The following C12orf50 variants were observed in gnomAD, a reference collection of about 807,000 sequenced individuals.
C12orf50 encodes zinc finger CCCH-type containing 11D.
C12orf50 carries 35 observed loss-of-function variants against 61.6 expected under a neutral mutation model. That is an observed-to-expected ratio of 0.57 (90% confidence interval 0.43 to 0.75). The LOEUF is 0.75. Among genes scored for constraint, C12orf50 ranks in the 30% least tolerant of loss-of-function variants. The pLI, the probability that C12orf50 is intolerant of heterozygous loss-of-function variation, is 0.00. For missense variants in C12orf50, 475 were observed against 488.5 expected, an observed-to-expected ratio of 0.97 and a Z score of 0.26; for synonymous variants, 178 against 161.5, an observed-to-expected ratio of 1.10 and a Z score of -0.77.
chr12:87,993,402 T>A (rs1353968675), intron 7 of C12orf50, among the ~76,000 whole-genome samples: 1 of 152,220 alleles, frequency 6.6e-6, no homozygotes, highest in East Asian at 1.9e-4. Flanking sequence ...CAGTGGGAAC[T>A]CCGTTAGGAG....
intron 3 of C12orf50, among the ~76,000 whole-genome samples, chr12:88,008,852 G>A (rs1038880288): frequency 2.0e-5 from 3 of 152,050 alleles, no homozygotes; most frequent in African/African-American, 7.2e-5. Context: ...TACCAAGTAT[G>A]CATCCCTAAA....
chr12:88,021,850 A>G (rs553760695), intron 3 of C12orf50, among the ~76,000 whole-genome samples: 5 of 152,230 alleles, frequency 3.3e-5, no homozygotes, highest in African/African-American at 7.2e-5. Context: ...TAAGTAAGAA[A>G]AAGCCTACCA....
At chr12:88,013,827 G>A (rs2032204342) in intron 3 of C12orf50, among the ~76,000 whole-genome samples, 1 of 152,160 alleles carries the variant, frequency 6.6e-6, no homozygotes, top group South Asian at 2.1e-4. Flanking sequence ...GGTGGTTTAG[G>A]TGGTGGCTGA....
chr12:88,024,648 G>A (rs1251597362), intron 3 of C12orf50, among the ~76,000 whole-genome samples: 1 of 152,038 alleles, frequency 6.6e-6, no homozygotes, highest in Non-Finnish European at 1.5e-5. Flanking sequence ...GAGAGGATCA[G>A]AAAAAATATC....
intron 7 of C12orf50, among the ~76,000 whole-genome samples, chr12:87,992,050 G>T (rs1565743020): frequency 1.3e-5 from 2 of 152,194 alleles, no homozygotes; most frequent in African/African-American, 2.4e-5. Context: ...GCTGGAGACA[G>T]GAGAGGGCAG....
intron 11 of C12orf50, chr12:87,984,358 G>GGTAA (rs769215293): frequency 2.0e-5 from 3 of 152,006 alleles, no homozygotes; most frequent in Non-Finnish European, 4.4e-5. Context: ...TTCAAATAAG[G>GGTAA]GTAAGCTACA....
At chr12:87,995,259 A>G (rs1178831387) in intron 6 of C12orf50, among the ~76,000 whole-genome samples, 1 of 152,056 alleles carries the variant, frequency 6.6e-6, no homozygotes, top group Non-Finnish European at 1.5e-5. Flanking sequence ...GTGATTCTGG[A>G]TTGGATCCTA....
At chr12:88,025,574 T>C (rs1469902232) in intron 3 of C12orf50, among the ~76,000 whole-genome samples, 2 of 152,122 alleles carry the variant, frequency 1.3e-5, no homozygotes, top group Non-Finnish European at 2.9e-5. Context: ...TGTATATTTT[T>C]CTGCAAATAC....
chr12:88,008,050 A>G (rs930270624), intron 3 of C12orf50, among the ~76,000 whole-genome samples: 5 of 151,798 alleles, frequency 3.3e-5, no homozygotes, highest in African/African-American at 1.2e-4. Flanking sequence ...AAAGTTAAAC[A>G]GCAATAGCTT....
At chr12:88,020,302 A>T (rs2032467210) in intron 3 of C12orf50, among the ~76,000 whole-genome samples, 1 of 152,184 alleles carries the variant, frequency 6.6e-6, no homozygotes, top group Non-Finnish European at 1.5e-5. Context: ...CCCATTGCAC[A>T]TATTATACAA....
intron 9 of C12orf50, 114 bp from the exon 10 acceptor site, chr12:87,986,530 A>C: frequency 1.5e-6 from 1 of 663,712 alleles, no homozygotes; most frequent in Non-Finnish European, 2.4e-6. Flanking sequence ...GGAAAAAATA[A>C]ATGCACCATC....
At chr12:88,024,140 G>C (rs2032618777) in intron 3 of C12orf50, among the ~76,000 whole-genome samples, 1 of 152,152 alleles carries the variant, frequency 6.6e-6, no homozygotes, top group Non-Finnish European at 1.5e-5. Context: ...AGATGCTGAT[G>C]AGGTTACAGA....
At chr12:87,999,440 A>G (rs2031559153) in intron 3 of C12orf50, among the ~76,000 whole-genome samples, 1 of 152,130 alleles carries the variant, frequency 6.6e-6, no homozygotes, top group Non-Finnish European at 1.5e-5. Context: ...AAAAACAAAA[A>G]CAAACAAAAC....
chr12:87,998,923 G>A (rs1321107928), intron 3 of C12orf50, among the ~76,000 whole-genome samples: 2 of 152,150 alleles, frequency 1.3e-5, no homozygotes, highest in Non-Finnish European at 2.9e-5. Flanking sequence ...AAGTAATTAA[G>A]TTGCACAACT....
At chr12:88,002,333 T>C (rs1310418731) in intron 3 of C12orf50, among the ~76,000 whole-genome samples, 9 of 151,804 alleles carry the variant, frequency 5.9e-5, no homozygotes, top group Non-Finnish European at 1.2e-4. Flanking sequence ...AACCATTATA[T>C]TCAGAAGACA....
intron 3 of C12orf50, among the ~76,000 whole-genome samples, chr12:88,003,973 G>T (rs2031753921): frequency 6.6e-6 from 1 of 151,222 alleles, no homozygotes. Context: ...TTTTCAGATT[G>T]TATAATCTCC....
At position 87,980,293 on chromosome 12, in the gene C12orf50, C is replaced by G; in HGVS notation, c.*38G>C. 6.3e-7 allele frequency: 1 copy of G among 1,591,534 alleles called. No homozygotes were observed. Among genetic ancestry groups the G allele is most frequent in the East Asian group, 2.2e-5 (1 of 44,690 alleles). On this transcript the variant is annotated 3_prime_UTR_variant, in exon 13 of 13. Coordinates refer to ENST00000298699, the MANE Select transcript of C12orf50 (RefSeq NM_152589.3). ...TGATTGTAAATCAGATGATGTCTGG[C>G]AATTTTTTCTCATTTTTCTCTCTCT...
intron 6 of C12orf50, among the ~76,000 whole-genome samples, chr12:87,995,255 C>G (rs544290026): frequency 2.0e-5 from 3 of 152,004 alleles, no homozygotes; most frequent in Non-Finnish European, 1.5e-5. Flanking sequence ...ATGTGTGATT[C>G]TGGATTGGAT....
chr12:87,986,156 T>C, intron 10 of C12orf50, 103 bp from the exon 11 acceptor site: 1 of 1,363,184 alleles, frequency 7.3e-7, no homozygotes, highest in South Asian at 1.3e-5. Flanking sequence ...TGGAAGCCAA[T>C]AGAAGCCAAA....
Sources: gnomAD v4.1 joint callset for allele counts (sites outside exome capture counted in the v4.1 genomes callset) on GRCh38, gnomAD v4.1.1 for gene constraint, MANE v1.5 for transcripts, NCBI Gene and HGNC (gene_info 2026-07-23, HGNC 2026-07-21) for gene names.